Variants in USO1 observed in about 807,000 individuals in gnomAD.
USO1 encodes the protein general vesicular transport factor p115.
Under a neutral mutation model 124.5 loss-of-function variants are expected in USO1, and 57 were observed. The observed-to-expected ratio is 0.46, with a 90% CI of 0.37 to 0.57. The LOEUF (loss-of-function observed/expected upper bound fraction) is 0.57. Among genes scored for constraint, USO1 ranks in the 20% least tolerant of loss-of-function variants. USO1 has a pLI of 0.00. For missense variants in USO1, 900 were observed against 1,040.6 expected (o/e 0.86, Z 1.86); for synonymous variants, 369 against 362.8 (o/e 1.02, Z -0.19).
intron 1 of USO1, among the ~76,000 whole-genome samples, chr4:75,740,970 A>T (rs2149143978): frequency 6.6e-6 from 1 of 152,316 alleles, no homozygotes; most frequent in African/African-American, 2.4e-5. Flanking sequence ...TTCTTTATAA[A>T]AATCTGTAAC....
chr4:75,788,186 T>G (rs1577962395), intron 10 of USO1, among the ~76,000 whole-genome samples: 1 of 114,764 alleles, frequency 8.7e-6, no homozygotes, highest in South Asian at 2.9e-4. Context: ...TTTTTTTTTT[T>G]GTACAGAGTC....
rs3059597 is a variant in USO1, at chr4:75,732,876, T to TAA, written c.66+8012_66+8013dup. On this transcript the variant is annotated intron_variant, in intron 1 of 23. Coordinates refer to ENST00000514213, the MANE Select transcript of USO1 (RefSeq NM_003715.4). ...CCTGGCGACAGAGCGAGATTCCATC[T>TAA]AAAAAAAAAAAAAAAAAAAAAAGTC... is the stretch of plus-strand genomic sequence containing the variant. Among the ~76,000 whole-genome samples the TAA allele has an allele frequency of 1.7e-4, 8 of 48,184 alleles. 1 individual carries two copies. The highest frequency in any genetic ancestry group is 2.3e-4 in the Non-Finnish European group (7 of 30,230). 31.6% of individuals were successfully genotyped at this position (48,184 alleles called of 152,430 possible).
In USO1 at chr4:75,776,199, C is replaced by T. The variant is rs191378293; in HGVS notation, c.676+1403C>T. On this transcript the variant is annotated intron_variant, in intron 8 of 23. Coordinates refer to ENST00000514213, the MANE Select transcript of USO1 (RefSeq NM_003715.4). ...TGAGAGTAGAGGAACTATGGTCTCT[C>T]GAAAGTACACTGGGCTGGGAGGGTC... Among the ~76,000 whole-genome samples, 149 of 152,202 alleles carry T rather than the reference C, an allele frequency of 9.8e-4. 1 individual carries two copies. Among genetic ancestry groups the T allele is most frequent in the African/African-American group, 3.5e-3 (145 of 41,522 alleles).
chr4:75,758,613 T>C (rs1476800856), intron 4 of USO1, among the ~76,000 whole-genome samples: 3 of 152,212 alleles, frequency 2.0e-5, no homozygotes, highest in African/African-American at 7.2e-5. Context: ...CTGGGTGTTA[T>C]GGCTCATGTC....
chr4:75,727,588 A>C (rs1720501247), intron 1 of USO1, among the ~76,000 whole-genome samples: 1 of 152,256 alleles, frequency 6.6e-6, no homozygotes, highest in South Asian at 2.1e-4. Context: ...TTTATAGAGC[A>C]TCAGTGGAGT....
At chr4:75,758,636 A>C (rs1721509007) in intron 4 of USO1, among the ~76,000 whole-genome samples, 1 of 152,156 alleles carries the variant, frequency 6.6e-6, no homozygotes, top group South Asian at 2.1e-4. Context: ...CAATCCCAGC[A>C]CTTTGGGAGG....
At chr4:75,795,170 TCTAA>T (rs1722642759) in intron 13 of USO1, among the ~76,000 whole-genome samples, 1 of 152,204 alleles carries the variant, frequency 6.6e-6, no homozygotes, top group Admixed American at 6.5e-5. Flanking sequence ...AAATGTATCC[TCTAA>T]CTTTTTATTG....
rs1019283728 is a variant in USO1 at position 75,752,422 on chromosome 4, G to A, written c.116G>A (p.Arg39Gln). 9.5e-5 allele frequency: 38 copies of A among 398,140 alleles called. No homozygotes were observed. The highest frequency in any genetic ancestry group is 1.4e-4 in the Non-Finnish European group (32 of 225,990). 24.7% of individuals were successfully genotyped at this position (398,140 alleles called of 1,614,324 possible). Reference protein sequence around the residue: ...RVASSTLLDDRRNAVRALKSL... With the variant: ...RVASSTLLDDQRNAVRALKSL... ...GCTTCATCTACTTTATTGGATGATC[G>A]AAGAAATGCTGTTCGTGCTCTCAAA... The change falls in exon 2 of 24, where the codon CGA (arginine) becomes CAA (glutamine). Residue 39 changes from arginine (R) to glutamine (Q), a missense_variant. Arg to Gln is a conservative substitution (Grantham distance 43). Around this residue, in one of 2 missense-constraint regions of USO1, gnomAD observed 538 missense variants for 681.6 expected, o/e 0.79. Coordinates refer to ENST00000514213, the MANE Select transcript of USO1 (RefSeq NM_003715.4).
chr4:75,741,388 T>C (rs1272563191), intron 1 of USO1, among the ~76,000 whole-genome samples: 2 of 152,186 alleles, frequency 1.3e-5, no homozygotes, highest in Non-Finnish European at 2.9e-5. Flanking sequence ...ATAAACACTA[T>C]ACACTTAAGG....
intron 13 of USO1, among the ~76,000 whole-genome samples, chr4:75,798,831 TG>T (rs755430453): frequency 5.5e-4 from 83 of 152,276 alleles, no homozygotes; most frequent in Non-Finnish European, 1.1e-3. Flanking sequence ...AGTTTTGTTT[TG>T]TTTTTTTAAA....
chr4:75,743,312 A>G (rs1475864890), intron 1 of USO1, among the ~76,000 whole-genome samples: 6 of 152,198 alleles, frequency 3.9e-5, no homozygotes, highest in Non-Finnish European at 7.4e-5. Flanking sequence ...TAACTGTACA[A>G]TTAAATTGTT....
At chr4:75,802,034 G>C (rs569175923) in intron 17 of USO1, among the ~76,000 whole-genome samples, 7 of 152,310 alleles carry the variant, frequency 4.6e-5, no homozygotes, top group Admixed American at 3.9e-4. Context: ...GGCTGGTGTT[G>C]ATCTCCTGAC....
Position 75,813,478 on chromosome 4 carries a change from T to A in USO1, c.*183T>A. On this transcript the variant is annotated 3_prime_UTR_variant, in exon 24 of 24. Transcript: ENST00000514213. ...TGAAAACCTTAAAACTGAATTTATG[T>A]AGAACACACATCTTTTATTTAAATC... The A allele has an allele frequency of 2.0e-6, 1 of 511,380 alleles. No homozygotes were observed. Among genetic ancestry groups the A allele is most frequent in the Non-Finnish European group, 3.1e-6 (1 of 323,102 alleles). The allele number at this position is 511,380 out of a possible 1,614,324, so 31.7% of individuals were successfully genotyped here.
chr4:75,806,522 TCAG>T lies in USO1; in HGVS notation c.2329_2331del (p.Ala777del), dbSNP rs1415221046. 6.4e-7 allele frequency: 1 copy of T among 1,562,088 alleles called. No homozygotes were observed. The highest frequency in any genetic ancestry group is 2.4e-5 in the East Asian group (1 of 42,364). ...AACATCTGGCACAAATGAACAGTCT[TCAG>T]CAATAGTTTCAGCTAGAGATTCTGA... On this transcript the variant is annotated inframe_deletion, in exon 20 of 24. Transcript: ENST00000514213.
intron 9 of USO1, among the ~76,000 whole-genome samples, chr4:75,783,864 A>G (rs1230299380): frequency 1.3e-5 from 2 of 152,218 alleles, no homozygotes; most frequent in African/African-American, 2.4e-5. Flanking sequence ...AGTATTTACC[A>G]GGAGAACTTA....
At chr4:75,748,372 AG>A (rs1721194422) in intron 1 of USO1, among the ~76,000 whole-genome samples, 1 of 151,686 alleles carries the variant, frequency 6.6e-6, no homozygotes, top group South Asian at 2.1e-4. Flanking sequence ...GTAGTTTAGT[AG>A]GGACGGGGTT....
intron 4 of USO1, among the ~76,000 whole-genome samples, chr4:75,763,199 C>T (rs185434217): frequency 4.6e-5 from 7 of 152,254 alleles, no homozygotes; most frequent in Non-Finnish European, 7.4e-5. Context: ...TCTATGCATG[C>T]GTACTTAAAT....
At chr4:75,804,888 C>G in intron 18 of USO1, 1 of 331,368 alleles carries the variant, frequency 3.0e-6, no homozygotes, top group Non-Finnish European at 5.4e-6. Flanking sequence ...ATTAAAATTA[C>G]TGTAATTCTT....
chr4:75,791,422 G>T (rs6846575), intron 12 of USO1, among the ~76,000 whole-genome samples: 81,986 of 151,896 alleles, frequency 0.54, 23,664 homozygotes, highest in East Asian at 0.81. Context: ...TACTCAGGAG[G>T]CTGAGGCAGG....
Sources: gnomAD v4.1 joint callset for allele counts (sites outside exome capture counted in the v4.1 genomes callset) on GRCh38, gnomAD v4.1.1 for gene constraint, gnomAD v4.1.1 regional missense constraint, MANE v1.5 for transcripts, NCBI Gene and HGNC (gene_info 2026-07-23, HGNC 2026-07-21) for gene names.